IRAK2: variants seen among roughly 807,000 people sequenced by gnomAD.
IRAK2 encodes the protein interleukin-1 receptor-associated kinase-like 2.
IRAK2 carries 57 observed loss-of-function variants against 72.0 expected under a neutral mutation model. That is an observed-to-expected ratio of 0.79 (90% CI 0.64 to 0.99). The LOEUF (loss-of-function observed/expected upper bound fraction) is 0.99. IRAK2 is among the 50% of genes least tolerant of loss of function. IRAK2 has a pLI of 0.00. For synonymous variants in IRAK2, 293 were observed against 312.7 expected (o/e 0.94, Z 0.67); for missense variants, 790 against 794.4 (o/e 0.99, Z 0.07).
intron 3 of IRAK2, among the ~76,000 whole-genome samples, chr3:10,202,417 A>G (rs1385892773): frequency 1.3e-5 from 2 of 151,988 alleles, no homozygotes; most frequent in Non-Finnish European, 2.9e-5. Flanking sequence ...AGGTCAGGAG[A>G]TCAATACCAT....
intron 12 of IRAK2, among the ~76,000 whole-genome samples, 196 bp from the exon 13 acceptor site, chr3:10,241,920 C>T (rs1367923992): frequency 6.8e-6 from 1 of 146,466 alleles, no homozygotes; most frequent in Non-Finnish European, 1.5e-5. Context: ...TTGCCTTGAG[C>T]TGAAATTGTG....
intron 2 of IRAK2, among the ~76,000 whole-genome samples, chr3:10,185,112 C>T (rs992503886): frequency 6.6e-6 from 1 of 151,248 alleles, no homozygotes; most frequent in South Asian, 2.1e-4. Context: ...CTGTGATTCG[C>T]GAAGCATCCT....
intron 2 of IRAK2, among the ~76,000 whole-genome samples, chr3:10,186,553 G>A (rs1187444801): frequency 2.0e-5 from 3 of 151,692 alleles, no homozygotes; most frequent in Admixed American, 2.0e-4. Flanking sequence ...TGGATGGGAA[G>A]GCAGGACTCT....
At chr3:10,206,302 T>C (rs1697432553) in intron 3 of IRAK2, among the ~76,000 whole-genome samples, 1 of 152,120 alleles carries the variant, frequency 6.6e-6, no homozygotes, top group African/African-American at 2.4e-5. Flanking sequence ...CGGATGCAGA[T>C]GCAGGGATTG....
At chr3:10,240,438 C>T (rs1189131705) in intron 12 of IRAK2, among the ~76,000 whole-genome samples, 1 of 139,106 alleles carries the variant, frequency 7.2e-6, no homozygotes, top group Non-Finnish European at 1.5e-5. Context: ...GCCTGGGTGA[C>T]AGAGGAAAAC....
intron 2 of IRAK2, among the ~76,000 whole-genome samples, chr3:10,194,106 T>C (rs1340697957): frequency 6.6e-6 from 1 of 152,234 alleles, no homozygotes; most frequent in African/African-American, 2.4e-5. Flanking sequence ...ACATTTGTCA[T>C]CATGGAGCCC....
At chr3:10,216,859 A>C in intron 6 of IRAK2, 75 bp from the exon 7 acceptor site, 1 of 1,110,496 alleles carries the variant, frequency 9.0e-7, no homozygotes, top group Non-Finnish European at 1.4e-6. Context: ...AGAGGGCAGA[A>C]GAGGGGTGGG....
At chr3:10,187,505 T>C (rs17032518) in intron 2 of IRAK2, among the ~76,000 whole-genome samples, 2,517 of 152,262 alleles carry the variant, frequency 0.017, 74 homozygotes, top group African/African-American at 0.057. Context: ...CAGATCATGG[T>C]CTAGAGTAGC....
intron 11 of IRAK2, among the ~76,000 whole-genome samples, chr3:10,235,227 C>T (rs531919777): frequency 6.6e-6 from 1 of 152,188 alleles, no homozygotes; most frequent in African/African-American, 2.4e-5. Context: ...AGCCACTACA[C>T]GGGGTAAGAG....
intron 10 of IRAK2, among the ~76,000 whole-genome samples, chr3:10,232,009 C>A (rs1282015924): frequency 6.6e-6 from 1 of 152,164 alleles, no homozygotes; most frequent in Non-Finnish European, 1.5e-5. Context: ...TGCCTGTAGT[C>A]CCAGCTACTC....
intron 11 of IRAK2, among the ~76,000 whole-genome samples, chr3:10,235,865 T>G (rs35276047): frequency 0.43 from 65,441 of 151,964 alleles, 15,035 homozygotes; most frequent in Admixed American, 0.53. Flanking sequence ...CGCTGTCACG[T>G]GGCAGGAGCT....
intron 11 of IRAK2, among the ~76,000 whole-genome samples, chr3:10,235,311 T>C (rs1281939129): frequency 6.6e-6 from 1 of 152,042 alleles, no homozygotes; most frequent in Admixed American, 6.6e-5. Flanking sequence ...TTGATCTTTT[T>C]TTTTTTTCTT....
At position 10,240,142 on chromosome 3, in the gene IRAK2, C is replaced by T. The variant is rs543935309; in HGVS notation, c.1765+1103C>T. Among the ~76,000 whole-genome samples the T allele has an allele frequency of 3.9e-3, 342 of 88,294 alleles. 10 individuals are homozygous for T. The South Asian group carries it at 0.11, about 28-fold the overall frequency. 57.9% of individuals were successfully genotyped at this position (88,294 alleles called of 152,430 possible). Reference sequence around the variant, plus strand: ...AGCCCTGAGTGACAGAGTGAGACTCCGTCTCAAAAAAAAAAAAAAGAAGAT... The same window carrying T: ...AGCCCTGAGTGACAGAGTGAGACTCTGTCTCAAAAAAAAAAAAAAGAAGAT... On this transcript the variant is annotated intron_variant, in intron 12 of 12. Coordinates refer to ENST00000256458, the MANE Select transcript of IRAK2 (RefSeq NM_001570.4).
rs974369138 is a variant in IRAK2 at position 10,213,304 on chromosome 3, A to C, written c.626A>C (p.Asp209Ala). Reference protein sequence around the residue: ...SEADVVQATDDFNQNRKISQG... With the variant: ...SEADVVQATDAFNQNRKISQG... ...GCAGACGTGGTCCAGGCAACCGATG[A>C]CTTCAATCAAAACCGCAAAATCAGC... is the stretch of plus-strand genomic sequence containing the variant. The change falls in exon 5 of 13, where the codon GAC becomes GCC. Residue 209 changes from aspartate to alanine, a missense_variant. Transcript: ENST00000256458. 1 of 1,614,034 alleles carries C rather than the reference A, an allele frequency of 6.2e-7. No homozygotes were observed. Among genetic ancestry groups the C allele is most frequent in the Non-Finnish European group, 8.5e-7 (1 of 1,180,038 alleles).
intron 2 of IRAK2, among the ~76,000 whole-genome samples, chr3:10,190,334 G>T (rs1474081502): frequency 7.4e-6 from 1 of 135,882 alleles, no homozygotes; most frequent in African/African-American, 2.9e-5. Flanking sequence ...AGGCTGAAGT[G>T]CAGTGGCATG....
At chr3:10,220,775 T>C (rs1697675716) in intron 8 of IRAK2, among the ~76,000 whole-genome samples, 1 of 152,030 alleles carries the variant, frequency 6.6e-6, no homozygotes, top group Non-Finnish European at 1.5e-5. Flanking sequence ...CATCAATAAT[T>C]CTAATAGCAG....
intron 1 of IRAK2, among the ~76,000 whole-genome samples, chr3:10,173,806 CA>C (rs1696832336): frequency 6.6e-6 from 1 of 151,996 alleles, no homozygotes; most frequent in Non-Finnish European, 1.5e-5. Context: ...GCCTGGGCAG[CA>C]GAGCAAGACT....
rs1168633656 is a variant in IRAK2 at position 10,243,601 on chromosome 3, A to T, written c.*1373A>T. 6.5e-6 allele frequency: 1 copy of T among 152,714 alleles called. No individual in the cohort carries two copies. Among genetic ancestry groups the T allele is most frequent in the African/African-American group, 2.4e-5 (1 of 41,486 alleles). The allele number at this position is 152,714 out of a possible 1,614,324, so 9.5% of individuals were successfully genotyped here. On this transcript the variant is annotated 3_prime_UTR_variant, in exon 13 of 13. Transcript: ENST00000256458. Reference sequence around the variant, plus strand: ...TATTTCTGCCATGTACCTAATGATTATTCAGTGCGTATATATCTGAAAAGT... The same window carrying T: ...TATTTCTGCCATGTACCTAATGATTTTTCAGTGCGTATATATCTGAAAAGT...
intron 10 of IRAK2, among the ~76,000 whole-genome samples, chr3:10,229,152 G>T (rs1466496319): frequency 6.6e-6 from 1 of 152,096 alleles, no homozygotes; most frequent in African/African-American, 2.4e-5. Flanking sequence ...GGCCAGGCTG[G>T]TCTTGAACTC....
Sources: allele counts gnomAD v4.1 joint callset (sites outside exome capture counted in the v4.1 genomes callset), GRCh38; gene constraint gnomAD v4.1.1; transcripts MANE v1.5; gene names NCBI Gene and HGNC (gene_info 2026-07-23, HGNC 2026-07-21).